The following STK4 variants were observed in gnomAD, a reference collection of about 807,000 sequenced individuals.
STK4 encodes serine/threonine kinase 4.
STK4 carries 30 observed loss-of-function variants against 64.9 expected under a neutral mutation model. The ratio of observed to expected loss-of-function variants is 0.46; its 90% CI spans 0.35 to 0.63. The LOEUF (loss-of-function observed/expected upper bound fraction) is 0.63, where lower values mean the gene tolerates loss of function less well. STK4 is among the 20% of genes least tolerant of loss of function. The pLI, the probability that STK4 is intolerant of heterozygous loss-of-function variation, is 0.01. For missense variants in STK4, 466 were observed against 598.5 expected, an observed-to-expected ratio of 0.78 and a Z score of 2.31; for synonymous variants, 177 against 199.0, an observed-to-expected ratio of 0.89 and a Z score of 0.93.
rs921340026 is a variant in STK4 at position 45,024,410 on chromosome 20, A to T, written c.1148-563A>T. Among the ~76,000 whole-genome samples, 7 of 151,978 alleles carry T rather than the reference A, an allele frequency of 4.6e-5. No individual in the cohort carries two copies. In the East Asian group the frequency reaches 1.4e-3, roughly 29 times the overall value. ...TAAGTTTATTGTAAGCCATATGTAG[A>T]TAGTATTTTTAAAGTTACCTAATAT... is the stretch of plus-strand genomic sequence containing the variant. On this transcript the variant is annotated intron_variant, in intron 9 of 10. Transcript: ENST00000372806.
intron 10 of STK4, among the ~76,000 whole-genome samples, chr20:45,074,333 G>GT (rs546181476): frequency 6.6e-6 from 1 of 152,184 alleles, no homozygotes; most frequent in South Asian, 2.1e-4. Flanking sequence ...TCAACTCATT[G>GT]TTTTTCTTTG....
chr20:44,990,545 T>G (rs1339053208), intron 5 of STK4, among the ~76,000 whole-genome samples: 1 of 152,154 alleles, frequency 6.6e-6, no homozygotes. Context: ...ACTACTAAGT[T>G]TAGGCCCCTC....
chr20:44,978,768 T>C (rs1025010295), intron 3 of STK4, among the ~76,000 whole-genome samples, 197 bp downstream of exon 3: 14 of 151,878 alleles, frequency 9.2e-5, no homozygotes, highest in African/African-American at 2.9e-4. Context: ...GTAATTTTTA[T>C]GCATGGTGTT....
intron 2 of STK4, among the ~76,000 whole-genome samples, chr20:44,977,597 A>G (rs767805338): frequency 4.6e-5 from 7 of 152,190 alleles, no homozygotes; most frequent in Non-Finnish European, 8.8e-5. Flanking sequence ...AGATGAGAAA[A>G]TTCAGGTACA....
intron 5 of STK4, among the ~76,000 whole-genome samples, chr20:44,989,790 CT>C (rs1435187718): frequency 6.6e-6 from 1 of 152,122 alleles, no homozygotes; most frequent in East Asian, 1.9e-4. Context: ...CAATTTCATT[CT>C]TTTATATGTT....
intron 10 of STK4, among the ~76,000 whole-genome samples, chr20:45,037,049 C>G (rs1426873214): frequency 6.6e-6 from 1 of 152,164 alleles, no homozygotes; most frequent in Non-Finnish European, 1.5e-5. Flanking sequence ...CAGTTTGGCT[C>G]CAGAGCCCAT....
intron 9 of STK4, among the ~76,000 whole-genome samples, chr20:45,023,909 TTTTTTTTTTG>T: frequency 6.9e-6 from 1 of 145,154 alleles, no homozygotes; most frequent in African/African-American, 2.6e-5. Context: ...TTTTTTTTTT[TTTTTTTTTTG>T]AGACAGAGTC....
intron 9 of STK4, among the ~76,000 whole-genome samples, chr20:45,016,292 T>G (rs999982303): frequency 6.6e-6 from 1 of 152,240 alleles, no homozygotes; most frequent in African/African-American, 2.4e-5. Context: ...TTGTAAAGTT[T>G]CAGCCTCTTA....
chr20:44,976,287 T>C (rs2067337024), intron 2 of STK4, among the ~76,000 whole-genome samples: 1 of 152,168 alleles, frequency 6.6e-6, no homozygotes, highest in Non-Finnish European at 1.5e-5. Context: ...ACAACATAGA[T>C]TGAGGAGGTC....
chr20:45,058,014 T>A (rs1978639853), intron 10 of STK4, among the ~76,000 whole-genome samples: 1 of 150,570 alleles, frequency 6.6e-6, no homozygotes. Context: ...ACCAGAAAAA[T>A]GAACAAATGA....
chr20:44,983,482 C>T (rs911827004), intron 4 of STK4, among the ~76,000 whole-genome samples: 17 of 152,146 alleles, frequency 1.1e-4, no homozygotes, highest in Admixed American at 5.9e-4. Flanking sequence ...TGGTGTCATG[C>T]GCCTGTAGTC....
chr20:45,000,354 A>G (rs2067813584), intron 7 of STK4, 38 bp from the exon 8 acceptor site: 1 of 1,600,202 alleles, frequency 6.2e-7, no homozygotes. Context: ...CTGTCACCAT[A>G]TAAACTGTCT....
At chr20:44,973,237 C>T (rs149800609) in intron 2 of STK4, 66 of 152,278 alleles carry the variant, frequency 4.3e-4, no homozygotes, top group African/African-American at 1.4e-3. Context: ...TCCTGGATTA[C>T]ATGAAATGGT....
intron 4 of STK4, among the ~76,000 whole-genome samples, chr20:44,986,187 T>C (rs1254462736): frequency 1.3e-5 from 2 of 152,140 alleles, no homozygotes; most frequent in African/African-American, 4.8e-5. Flanking sequence ...TAATGGGTAA[T>C]ATGTCAGATG....
chr20:44,997,289 G>A lies in STK4; in HGVS notation c.814G>A (p.Ala272Thr), dbSNP rs1407114206. 3.7e-6 allele frequency: 6 copies of A among 1,603,924 alleles called. No homozygotes were observed. In the South Asian group the frequency reaches 6.7e-5, roughly 18 times the overall value. Residue 272 changes from alanine to threonine, a missense_variant, in exon 7 of 11, where the codon GCC becomes ACC. By Grantham distance (58) the Ala-to-Thr change is moderately conservative. This residue lies in a region of STK4 where 276 missense variants were observed against 308.9 expected (regional missense o/e 0.89). Coordinates refer to ENST00000372806, the MANE Select transcript of STK4 (RefSeq NM_006282.5). ...AAAGAGCCCTGAGCAGAGGGCCACA[G>A]CCACTCAGCTCCTGCAGGTATGAAT... is the stretch of plus-strand genomic sequence containing the variant. ...LVKSPEQRAT[A>T]TQLLQHPFVR...
At chr20:44,976,661 A>G (rs533993753) in intron 2 of STK4, among the ~76,000 whole-genome samples, 9 of 152,342 alleles carry the variant, frequency 5.9e-5, no homozygotes, top group African/African-American at 2.2e-4. Flanking sequence ...AGACAGTTTC[A>G]GACATACAGG....
chr20:44,978,425 C>T lies in STK4; in HGVS notation c.117-18C>T. The T allele has an allele frequency of 1.3e-6, 2 of 1,598,654 alleles. No individual in the cohort carries two copies. The highest frequency in any genetic ancestry group is 1.7e-6 in the Non-Finnish European group (2 of 1,174,766). On this transcript the variant is annotated intron_variant, in intron 2 of 10. Transcript: ENST00000372806. ...TTGCTTTGACTTTATAAATGTTCTT[C>T]TTCTCCCAAATGTATAGGTCCTATG...
intron 9 of STK4, among the ~76,000 whole-genome samples, chr20:45,006,343 T>C (rs1253328351): frequency 1.3e-5 from 2 of 151,978 alleles, no homozygotes; most frequent in Admixed American, 6.6e-5. Context: ...CTCGTCATCC[T>C]CCTACCTCAG....
intron 10 of STK4, among the ~76,000 whole-genome samples, chr20:45,048,429 A>G (rs1388930674): frequency 2.6e-5 from 4 of 152,162 alleles, no homozygotes; most frequent in African/African-American, 9.7e-5. Flanking sequence ...GCTGCCCTAA[A>G]AAAGGAAGGT....
Sources: allele counts gnomAD v4.1 joint callset (sites outside exome capture counted in the v4.1 genomes callset), GRCh38; gene constraint gnomAD v4.1.1; regional missense constraint gnomAD v4.1.1; transcripts MANE v1.5; gene names NCBI Gene and HGNC (gene_info 2026-07-23, HGNC 2026-07-21).